Variants in CSMD2 observed in about 807,000 individuals in gnomAD.
The protein encoded by CSMD2 is CUB and Sushi multiple domains 2.
CSMD2 carries 130 observed loss-of-function variants against 398.5 expected under a neutral mutation model. The observed-to-expected ratio is 0.33, with a 90% confidence interval of 0.28 to 0.38. The LOEUF (loss-of-function observed/expected upper bound fraction) is 0.38, where lower values mean the gene tolerates loss of function less well. Ranked by LOEUF, CSMD2 falls within the 10% of genes least tolerant of loss-of-function variation. CSMD2 has a pLI of 1.00. For missense variants in CSMD2, 3,829 were observed against 4,764.9 expected (o/e 0.80, Z 5.78); for synonymous variants, 1,828 against 1,908.5 (o/e 0.96, Z 1.10).
At chr1:33,540,910 G>A (rs1307959331) in intron 59 of CSMD2, among the ~76,000 whole-genome samples, 2 of 152,074 alleles carry the variant, frequency 1.3e-5, no homozygotes, top group Non-Finnish European at 2.9e-5. Flanking sequence ...CTCTGTTTGC[G>A]GGACCCTCCC....
chr1:34,094,908 C>T (rs995454757), intron 1 of CSMD2, among the ~76,000 whole-genome samples: 3 of 148,790 alleles, frequency 2.0e-5, no homozygotes, highest in Admixed American at 6.7e-5. Context: ...AGCAAGCGGA[C>T]CTAATAGACA....
intron 3 of CSMD2, among the ~76,000 whole-genome samples, chr1:34,011,566 G>A (rs1435453554): frequency 6.6e-6 from 1 of 152,108 alleles, no homozygotes; most frequent in Non-Finnish European, 1.5e-5. Flanking sequence ...AAGCCTATAA[G>A]TGTATTCTTT....
intron 1 of CSMD2, among the ~76,000 whole-genome samples, chr1:34,152,690 G>A (rs537932015): frequency 2.6e-5 from 4 of 152,114 alleles, no homozygotes; most frequent in Non-Finnish European, 5.9e-5. Flanking sequence ...CTAAAGAGTT[G>A]TCCCTCTTCT....
intron 26 of CSMD2, among the ~76,000 whole-genome samples, chr1:33,660,168 G>T (rs1644085861): frequency 6.6e-6 from 1 of 152,192 alleles, no homozygotes; most frequent in South Asian, 2.1e-4. Flanking sequence ...TTAACTAGAT[G>T]ACCTTGTATG....
rs887474921 is a variant in CSMD2, at chr1:33,931,327, G to A, written c.712+4433C>T. On this transcript the variant is annotated intron_variant, in intron 4 of 70. Coordinates refer to ENST00000373381, the MANE Select transcript of CSMD2 (RefSeq NM_001281956.2). ...CACTCCTGGCACAGGATGGGTGTAT[G>A]GTGGGTACCCTTTGTTCCTGTTTAG... 2.6e-5 allele frequency among the ~76,000 whole-genome samples: 4 copies of A among 152,310 alleles called. No homozygotes were observed. The South Asian group carries it at 8.3e-4, about 32-fold the overall frequency.
At chr1:34,062,402 C>T (rs1253937586) in intron 2 of CSMD2, among the ~76,000 whole-genome samples, 1 of 152,220 alleles carries the variant, frequency 6.6e-6, no homozygotes, top group African/African-American at 2.4e-5. Flanking sequence ...GTAGCTTATA[C>T]CTTCTGACAG....
intron 37 of CSMD2, among the ~76,000 whole-genome samples, chr1:33,620,286 A>C (rs889706111): frequency 1.3e-5 from 2 of 152,256 alleles, no homozygotes; most frequent in Non-Finnish European, 2.9e-5. Context: ...TTGCCTGTAC[A>C]ATAGCAGTTA....
chr1:33,556,863 A>G (rs1394194509), intron 55 of CSMD2, among the ~76,000 whole-genome samples: 3 of 152,164 alleles, frequency 2.0e-5, no homozygotes, highest in South Asian at 4.1e-4. Flanking sequence ...CACCATGTGA[A>G]GAAGGACATG....
rs1654017163 is a variant in CSMD2 at position 33,519,119 on chromosome 1, G to C, written c.*53+346C>G. 6.6e-6 allele frequency among the ~76,000 whole-genome samples: 1 copy of C among 152,122 alleles called. No homozygotes were observed. The highest frequency in any genetic ancestry group is 1.5e-5 in the Non-Finnish European group (1 of 68,038). ...ACATGCCGATGTTCTGCCAAGCCCA[G>C]GGGTGAGGAGCAGTTTCTGGAGCCA... On this transcript the variant is annotated intron_variant, in intron 70 of 70. Transcript: ENST00000373381. The surrounding 1 kb of genome is among the most constrained non-coding windows in gnomAD (Gnocchi z 5.6).
chr1:33,755,464 GCTC>G (rs1193879003), intron 13 of CSMD2, among the ~76,000 whole-genome samples: 16 of 152,124 alleles, frequency 1.1e-4, no homozygotes, highest in African/African-American at 3.6e-4. Flanking sequence ...TTAACTTTAG[GCTC>G]CTTTCTTTCT....
Position 33,577,483 on chromosome 1 carries a change from G to C in CSMD2, c.7389C>G (p.Ala2463=). 6.2e-7 allele frequency: 1 copy of C among 1,605,434 alleles called. No individual in the cohort carries two copies. The part of the protein sequence containing the change: ...NRKGFKIRYS[A]PYCSLPRAPL... ...GAGCCCTGGGCAGGCTGCAGTAAGG[G>C]GCTGAACAACAAGATGAGGTTCAGG... Residue 2463 remains alanine, a splice_region_variant and synonymous_variant, in exon 49 of 71, where the codon GCC becomes GCG. Transcript: ENST00000373381.
intron 62 of CSMD2, among the ~76,000 whole-genome samples, chr1:33,536,736 C>T (rs1438103460): frequency 1.3e-5 from 2 of 152,226 alleles, no homozygotes; most frequent in African/African-American, 2.4e-5. Flanking sequence ...CACTCATTTC[C>T]GTATTTCCAC....
intron 1 of CSMD2, among the ~76,000 whole-genome samples, chr1:34,140,802 A>C (rs1639219929): frequency 6.6e-6 from 1 of 152,126 alleles, no homozygotes; most frequent in African/African-American, 2.4e-5. Context: ...CAAAGATTTC[A>C]TACCCTCCTC....
intron 12 of CSMD2, among the ~76,000 whole-genome samples, chr1:33,779,443 G>A (rs1026938367): frequency 2.0e-5 from 3 of 152,192 alleles, no homozygotes; most frequent in African/African-American, 7.2e-5. Flanking sequence ...GATTAAATGA[G>A]CTTCTGTACA....
At chr1:33,802,185 C>A (rs1655684299) in intron 10 of CSMD2, among the ~76,000 whole-genome samples, 1 of 152,188 alleles carries the variant, frequency 6.6e-6, no homozygotes, top group Non-Finnish European at 1.5e-5. Context: ...GAGGACATCC[C>A]AGTCGAAGGG....
chr1:33,850,848 G>T (rs1391296595), intron 5 of CSMD2, among the ~76,000 whole-genome samples: 1 of 152,106 alleles, frequency 6.6e-6, no homozygotes, highest in Non-Finnish European at 1.5e-5. Flanking sequence ...TCCCTGTAAT[G>T]CATGTAGTTG....
At chr1:34,131,901 G>A (rs937080391) in intron 1 of CSMD2, among the ~76,000 whole-genome samples, 1 of 152,066 alleles carries the variant, frequency 6.6e-6, no homozygotes, top group South Asian at 2.1e-4. Context: ...ACTTCTGAGC[G>A]CTCACTCGGG....
chr1:33,747,377 G>C (rs546059000), intron 13 of CSMD2, among the ~76,000 whole-genome samples: 1 of 152,338 alleles, frequency 6.6e-6, no homozygotes, highest in East Asian at 1.9e-4. Context: ...GTTGGAGCAA[G>C]GAGATATGCT....
intron 3 of CSMD2, among the ~76,000 whole-genome samples, chr1:34,010,675 G>A (rs973955440): frequency 1.3e-5 from 2 of 151,706 alleles, no homozygotes; most frequent in Non-Finnish European, 2.9e-5. Context: ...TTGGAGTGCA[G>A]TGGCACGATC....
Sources: gnomAD v4.1 joint callset for allele counts (sites outside exome capture counted in the v4.1 genomes callset) on GRCh38, gnomAD v4.1.1 for gene constraint, Gnocchi (gnomAD v3.1) non-coding constraint, MANE v1.5 for transcripts, NCBI Gene and HGNC (gene_info 2026-07-23, HGNC 2026-07-21) for gene names.